TRHDE: variants seen among roughly 807,000 people sequenced by gnomAD.
The protein encoded by TRHDE is thyrotropin releasing hormone degrading enzyme.
A neutral mutation model predicts 125.7 loss-of-function variants in TRHDE; 72 were observed. The observed-to-expected ratio is 0.57, with a 90% CI of 0.47 to 0.70. The LOEUF (loss-of-function observed/expected upper bound fraction) is 0.70. Ranked by LOEUF, TRHDE falls within the 30% of genes least tolerant of loss-of-function variation. TRHDE has a pLI of 0.00. For synonymous variants in TRHDE, 509 were observed against 509.1 expected, an observed-to-expected ratio of 1.00 and a Z score of 0.00; for missense variants, 1,110 against 1,327.1, an observed-to-expected ratio of 0.84 and a Z score of 2.54.
intron 15 of TRHDE, among the ~76,000 whole-genome samples, chr12:72,627,420 G>GC (rs1403216372): frequency 6.6e-6 from 1 of 151,788 alleles, no homozygotes; most frequent in Non-Finnish European, 1.5e-5. Context: ...ATTTTTGCCT[G>GC]CAGAGTCCTA....
At chr12:72,305,853 T>G (rs917371674) in intron 2 of TRHDE, among the ~76,000 whole-genome samples, 1 of 152,200 alleles carries the variant, frequency 6.6e-6, no homozygotes, top group African/African-American at 2.4e-5. Flanking sequence ...CAAACATGGT[T>G]ATATGAATTC....
chr12:72,463,908 A>T (rs1876244313), intron 3 of TRHDE, among the ~76,000 whole-genome samples: 1 of 152,136 alleles, frequency 6.6e-6, no homozygotes, highest in Admixed American at 6.5e-5. Flanking sequence ...TATTGAACAG[A>T]CCTCATTTAG....
intron 6 of TRHDE, among the ~76,000 whole-genome samples, chr12:72,533,459 C>G (rs895051690): frequency 6.6e-6 from 1 of 152,162 alleles, no homozygotes; most frequent in African/African-American, 2.4e-5. Flanking sequence ...AGGCGTGAGC[C>G]ACCATGCCCA....
intron 3 of TRHDE, among the ~76,000 whole-genome samples, chr12:72,442,725 A>G (rs1384604301): frequency 6.6e-6 from 1 of 151,714 alleles, no homozygotes; most frequent in Non-Finnish European, 1.5e-5. Flanking sequence ...CTTCCCATGT[A>G]TTTCATGTCT....
At chr12:72,528,986 T>G (rs10735969) in intron 6 of TRHDE, among the ~76,000 whole-genome samples, 60,615 of 151,816 alleles carry the variant, frequency 0.4, 14,543 homozygotes, top group African/African-American at 0.67. Context: ...AAATTATTAT[T>G]CATTAGATCT....
chr12:72,511,004 T>A (rs1458200337), intron 6 of TRHDE, among the ~76,000 whole-genome samples: 2 of 152,136 alleles, frequency 1.3e-5, no homozygotes, highest in African/African-American at 4.8e-5. Flanking sequence ...AACATCAAGG[T>A]CAGAGTAAGA....
At chr12:72,466,563 A>G (rs1259940523) in intron 3 of TRHDE, among the ~76,000 whole-genome samples, 2 of 152,192 alleles carry the variant, frequency 1.3e-5, no homozygotes, top group African/African-American at 2.4e-5. Context: ...AAAATCTTAT[A>G]TAAAATAATA....
intron 6 of TRHDE, among the ~76,000 whole-genome samples, chr12:72,500,849 C>CTTTTTTT (rs11314911): frequency 8.2e-5 from 9 of 109,316 alleles, no homozygotes; most frequent in African/African-American, 1.7e-4. Context: ...CAACTTTGTT[C>CTTTTTTT]TTTTTTTTTT....
At chr12:72,415,937 T>C (rs1873712691) in intron 3 of TRHDE, among the ~76,000 whole-genome samples, 1 of 152,082 alleles carries the variant, frequency 6.6e-6, no homozygotes, top group Non-Finnish European at 1.5e-5. Context: ...GGCTCTATTT[T>C]TGTTTTTTGA....
In TRHDE at chr12:72,507,480, G is replaced by T. The variant is rs552103500; in HGVS notation, c.1722+7845G>T. 1.8e-4 allele frequency among the ~76,000 whole-genome samples: 28 copies of T among 152,274 alleles called. No homozygotes were observed. The South Asian group carries it at 5.0e-3, about 27-fold the overall frequency. On this transcript the variant is annotated intron_variant, in intron 6 of 18. Transcript: ENST00000261180. ...CTTATTTTGAACTTTGAACTTGAGC[G>T]TGATGGTTTATGGTATCTGGCGGAA...
At chr12:72,435,939 A>G (rs1257463184) in intron 3 of TRHDE, among the ~76,000 whole-genome samples, 4 of 152,064 alleles carry the variant, frequency 2.6e-5, no homozygotes, top group African/African-American at 9.6e-5. Context: ...GATAAAGGTG[A>G]AAATTTAATT....
intron 2 of TRHDE, among the ~76,000 whole-genome samples, chr12:72,238,338 A>ACAC (rs1565670038): frequency 5.4e-5 from 1 of 18,612 alleles, no homozygotes; most frequent in African/African-American, 1.8e-4. Context: ...ATATATACAC[A>ACAC]TTATATATAT....
intron 3 of TRHDE, among the ~76,000 whole-genome samples, chr12:72,403,446 T>C (rs1264002572): frequency 6.6e-6 from 1 of 152,238 alleles, no homozygotes; most frequent in Non-Finnish European, 1.5e-5. Flanking sequence ...TTTACATATC[T>C]TTTTTTATTT....
intron 2 of TRHDE, among the ~76,000 whole-genome samples, chr12:72,123,788 A>G (rs772166465): frequency 6.6e-6 from 1 of 152,156 alleles, no homozygotes; most frequent in Non-Finnish European, 1.5e-5. Flanking sequence ...AAGATATTGA[A>G]CATTTCCATT....
intron 3 of TRHDE, among the ~76,000 whole-genome samples, chr12:72,404,882 C>T (rs1873202447): frequency 6.6e-6 from 1 of 152,124 alleles, no homozygotes; most frequent in African/African-American, 2.4e-5. Context: ...CTGTCAGTGC[C>T]TTGTCTATAA....
At chr12:72,500,612 A>C (rs1878108881) in intron 6 of TRHDE, among the ~76,000 whole-genome samples, 1 of 151,886 alleles carries the variant, frequency 6.6e-6, no homozygotes, top group South Asian at 2.1e-4. Context: ...GGCTGGTCTC[A>C]AACTCCTGTT....
At chr12:72,558,698 G>C (rs1202153459) in intron 7 of TRHDE, among the ~76,000 whole-genome samples, 1 of 152,070 alleles carries the variant, frequency 6.6e-6, no homozygotes, top group Non-Finnish European at 1.5e-5. Context: ...AGGGAAAGTG[G>C]GAATCTTGGA....
At chr12:72,233,428 A>G (rs569534403) in intron 2 of TRHDE, among the ~76,000 whole-genome samples, 2 of 152,324 alleles carry the variant, frequency 1.3e-5, no homozygotes, top group African/African-American at 4.8e-5. Flanking sequence ...TCAGAGAAGA[A>G]GTGACTCGAG....
intron 2 of TRHDE, among the ~76,000 whole-genome samples, chr12:72,258,571 A>G (rs1189257638): frequency 6.6e-6 from 1 of 152,198 alleles, no homozygotes; most frequent in East Asian, 1.9e-4. Context: ...GAAAATTTAC[A>G]TGAATGAATT....
Sources: gnomAD v4.1 joint callset for allele counts (sites outside exome capture counted in the v4.1 genomes callset) on GRCh38, gnomAD v4.1.1 for gene constraint, MANE v1.5 for transcripts, NCBI Gene and HGNC (gene_info 2026-07-23, HGNC 2026-07-21) for gene names.